Variants in ALK observed in about 807,000 individuals in gnomAD.
The protein encoded by ALK is ALK tyrosine kinase receptor.
ALK carries 74 observed loss-of-function variants against 163.1 expected under a neutral mutation model. That is an observed-to-expected ratio of 0.45 (90% CI 0.38 to 0.55). ALK has a LOEUF of 0.55. ALK is among the 20% of genes least tolerant of loss of function. The pLI, the probability that ALK is intolerant of heterozygous loss-of-function variation, is 0.00. For missense variants in ALK, 2,063 were observed against 2,105.3 expected, an observed-to-expected ratio of 0.98 and a Z score of 0.39; for synonymous variants, 960 against 843.2, an observed-to-expected ratio of 1.14 and a Z score of -2.40.
At chr2:29,238,055 G>A (rs1664428033) in intron 13 of ALK, among the ~76,000 whole-genome samples, 1 of 152,176 alleles carries the variant, frequency 6.6e-6, no homozygotes, top group Non-Finnish European at 1.5e-5. Flanking sequence ...TGGGGGTGGG[G>A]TGGAGGATTC....
intron 3 of ALK, among the ~76,000 whole-genome samples, chr2:29,621,176 T>G (rs1346921650): frequency 6.6e-6 from 1 of 152,156 alleles, no homozygotes; most frequent in Non-Finnish European, 1.5e-5. Context: ...GCATAAATGT[T>G]TGAGCTGATA....
intron 4 of ALK, among the ~76,000 whole-genome samples, chr2:29,466,841 T>A (rs1368970657): frequency 6.6e-6 from 1 of 152,258 alleles, no homozygotes; most frequent in Non-Finnish European, 1.5e-5. Context: ...GTTCTCTGGA[T>A]CATTGAAGTG....
At chr2:29,344,935 T>A (rs555309382) in intron 5 of ALK, among the ~76,000 whole-genome samples, 12 of 152,332 alleles carry the variant, frequency 7.9e-5, no homozygotes, top group Admixed American at 2.0e-4. Context: ...TAGTGACTTG[T>A]CTGTGTGACT....
intron 9 of ALK, among the ~76,000 whole-genome samples, chr2:29,291,340 G>A (rs778348122): frequency 6.6e-6 from 1 of 151,856 alleles, no homozygotes; most frequent in Non-Finnish European, 1.5e-5. Context: ...CTCCAGCCTG[G>A]GTGACAGAGT....
intron 4 of ALK, among the ~76,000 whole-genome samples, chr2:29,416,208 T>C (rs1039028471): frequency 6.6e-6 from 1 of 152,166 alleles, no homozygotes; most frequent in African/African-American, 2.4e-5. Flanking sequence ...GAAGGCTACA[T>C]GTCAGGAGTG....
At chr2:29,562,496 C>A (rs1157252981) in intron 3 of ALK, among the ~76,000 whole-genome samples, 2 of 152,156 alleles carry the variant, frequency 1.3e-5, no homozygotes, top group African/African-American at 2.4e-5. Flanking sequence ...AATGCTCACC[C>A]TCCAGATGGT....
At chr2:29,788,793 A>G (rs552855444) in intron 1 of ALK, among the ~76,000 whole-genome samples, 34 of 152,334 alleles carry the variant, frequency 2.2e-4, no homozygotes, top group African/African-American at 7.7e-4. Context: ...GGGACCCATT[A>G]TAGCTGAACC....
At chr2:29,775,277 T>G (rs949222824) in intron 1 of ALK, among the ~76,000 whole-genome samples, 4 of 152,222 alleles carry the variant, frequency 2.6e-5, no homozygotes, top group African/African-American at 4.8e-5. Context: ...TGGTTAACTC[T>G]GAGCAAACCA....
chr2:29,376,042 G>A (rs1048312748), intron 5 of ALK, among the ~76,000 whole-genome samples: 4 of 151,968 alleles, frequency 2.6e-5, no homozygotes, highest in Admixed American at 6.6e-5. Context: ...TGCTAGCCCC[G>A]AGATAGTCTC....
chr2:29,612,193 T>C (rs1675712285), intron 3 of ALK, among the ~76,000 whole-genome samples: 1 of 152,214 alleles, frequency 6.6e-6, no homozygotes, highest in Admixed American at 6.5e-5. Context: ...CTGAGACAGA[T>C]ACCTTTGCAG....
chr2:29,406,461 C>G (rs1336404802), intron 4 of ALK, among the ~76,000 whole-genome samples: 1 of 152,204 alleles, frequency 6.6e-6, no homozygotes, highest in Admixed American at 6.5e-5. Flanking sequence ...CTTCAGTAAA[C>G]AGGTTCCTCT....
chr2:29,691,723 A>G (rs1300536085), intron 3 of ALK, among the ~76,000 whole-genome samples: 1 of 152,082 alleles, frequency 6.6e-6, no homozygotes, highest in African/African-American at 2.4e-5. Context: ...TTGTCATAGC[A>G]CTCAGTGTAT....
At chr2:29,768,883 G>T (rs576364327) in intron 1 of ALK, among the ~76,000 whole-genome samples, 1 of 151,420 alleles carries the variant, frequency 6.6e-6, no homozygotes, top group African/African-American at 2.4e-5. Flanking sequence ...ACCCAGGCTG[G>T]AGTGCAGGAG....
At chr2:29,564,902 G>C (rs965159121) in intron 3 of ALK, among the ~76,000 whole-genome samples, 6 of 152,176 alleles carry the variant, frequency 3.9e-5, no homozygotes, top group Admixed American at 3.9e-4. Context: ...TTATTACAGA[G>C]AGACTGGGAA....
intron 23 of ALK, among the ~76,000 whole-genome samples, chr2:29,218,951 T>C (rs1669711837): frequency 6.6e-6 from 1 of 152,246 alleles, no homozygotes; most frequent in African/African-American, 2.4e-5. Context: ...CTTGATAGTT[T>C]ACAGCTTCCC....
chr2:29,872,702 C>T (rs1031329361), intron 1 of ALK, among the ~76,000 whole-genome samples: 3 of 152,236 alleles, frequency 2.0e-5, no homozygotes, highest in Non-Finnish European at 4.4e-5. Flanking sequence ...CTACGTATCA[C>T]TTTTGCATTA....
intron 1 of ALK, among the ~76,000 whole-genome samples, chr2:29,829,727 G>GA: frequency 6.6e-6 from 1 of 152,290 alleles, no homozygotes; most frequent in Admixed American, 6.5e-5. Context: ...TCTGCTGTTA[G>GA]AAAAATCCAA....
At chr2:29,813,224 T>A (rs1403880923) in intron 1 of ALK, among the ~76,000 whole-genome samples, 1 of 152,148 alleles carries the variant, frequency 6.6e-6, no homozygotes, top group Non-Finnish European at 1.5e-5. Flanking sequence ...CCTGAGCCCA[T>A]CTACTAGAGG....
rs147627166 is a variant in ALK, at chr2:29,641,810, T to G, written c.952+53040A>C. Among the ~76,000 whole-genome samples, 282 of 152,336 alleles carry G rather than the reference T, an allele frequency of 1.9e-3. 1 individual carries two copies. The highest frequency in any genetic ancestry group is 6.6e-3 in the African/African-American group (273 of 41,584). On this transcript the variant is annotated intron_variant, in intron 3 of 28. Transcript: ENST00000389048. ...AGGGCAGCAAAATGTATAAGGGTTA[T>G]CCTTTCAGGAAAGCCCCTTTCATAT... is the stretch of plus-strand genomic sequence containing the variant.
Sources: gnomAD v4.1 joint callset for allele counts (sites outside exome capture counted in the v4.1 genomes callset) on GRCh38, gnomAD v4.1.1 for gene constraint, MANE v1.5 for transcripts, NCBI Gene and HGNC (gene_info 2026-07-23, HGNC 2026-07-21) for gene names.